NEXN: variants seen among roughly 807,000 people sequenced by gnomAD.
NEXN encodes nexilin.
NEXN carries 65 observed loss-of-function variants against 92.6 expected under a neutral mutation model. That is an observed-to-expected ratio of 0.70 (90% CI 0.57 to 0.86). The LOEUF (loss-of-function observed/expected upper bound fraction) is 0.86. Ranked by LOEUF, NEXN falls within the 40% of genes least tolerant of loss-of-function variation. The pLI, the probability that NEXN is intolerant of heterozygous loss-of-function variation, is 0.00. For synonymous variants in NEXN, 254 were observed against 242.5 expected (o/e 1.05, Z -0.44); for missense variants, 778 against 771.1 (o/e 1.01, Z -0.11).
intron 1 of NEXN, among the ~76,000 whole-genome samples, chr1:77,914,095 T>G (rs916572209): frequency 6.6e-6 from 1 of 152,064 alleles, no homozygotes; most frequent in Non-Finnish European, 1.5e-5. Flanking sequence ...AAAGCATAAG[T>G]AAGTGGAGTA....
chr1:77,902,103 G>C (rs867569753), intron 1 of NEXN, among the ~76,000 whole-genome samples: 1 of 151,944 alleles, frequency 6.6e-6, no homozygotes, highest in African/African-American at 2.4e-5. Flanking sequence ...ATAGAAAAAT[G>C]TTCAATAAAT....
intron 9 of NEXN, chr1:77,931,919 C>T (rs984352618): frequency 6.6e-6 from 1 of 152,086 alleles, no homozygotes; most frequent in African/African-American, 2.4e-5. Context: ...TGTTATACCG[C>T]GCCCGGCCTA....
chr1:77,925,325 A>G, intron 6 of NEXN, 96 bp downstream of exon 6: 1 of 861,030 alleles, frequency 1.2e-6, no homozygotes, highest in South Asian at 1.6e-5. Context: ...AGCTTTTATT[A>G]TTTTTATTAT....
chr1:77,910,405 A>T (rs1648465216), intron 1 of NEXN, among the ~76,000 whole-genome samples: 1 of 152,230 alleles, frequency 6.6e-6, no homozygotes, highest in Non-Finnish European at 1.5e-5. Flanking sequence ...CGATGATGTG[A>T]TCATCTATGT....
chr1:77,929,790 A>G (rs1354609308), intron 9 of NEXN, among the ~76,000 whole-genome samples: 1 of 152,244 alleles, frequency 6.6e-6, no homozygotes, highest in African/African-American at 2.4e-5. Context: ...TAAGTATCCA[A>G]GGAAGAAGAA....
At chr1:77,901,707 T>C (rs1468680357) in intron 1 of NEXN, among the ~76,000 whole-genome samples, 1 of 152,180 alleles carries the variant, frequency 6.6e-6, no homozygotes, top group East Asian at 1.9e-4. Flanking sequence ...CCCCAAAAGT[T>C]TGAGACCCAC....
intron 9 of NEXN, among the ~76,000 whole-genome samples, chr1:77,932,382 T>A (rs562530597): frequency 6.6e-6 from 1 of 152,352 alleles, no homozygotes; most frequent in South Asian, 2.1e-4. Flanking sequence ...TTAAATAAAT[T>A]AATACATTTT....
intron 11 of NEXN, 25 bp from the exon 12 acceptor site, chr1:77,941,998 T>C (rs1426074824): frequency 5.0e-6 from 8 of 1,607,192 alleles, no homozygotes; most frequent in African/African-American, 2.7e-5. Context: ...CAAGCAATTG[T>C]TAATCTTGGC....
At chr1:77,922,729 G>C (rs1418138677) in intron 5 of NEXN, among the ~76,000 whole-genome samples, 1 of 151,524 alleles carries the variant, frequency 6.6e-6, no homozygotes, top group Non-Finnish European at 1.5e-5. Flanking sequence ...TCCCGTAGCT[G>C]GGATTACAGG....
chr1:77,912,468 G>C (rs1369191120), intron 1 of NEXN, among the ~76,000 whole-genome samples: 1 of 152,114 alleles, frequency 6.6e-6, no homozygotes, highest in Non-Finnish European at 1.5e-5. Context: ...TATATGAAAA[G>C]GGAAAAGACT....
At chr1:77,905,491 G>A (rs1473579992) in intron 1 of NEXN, among the ~76,000 whole-genome samples, 1 of 151,760 alleles carries the variant, frequency 6.6e-6, no homozygotes, top group East Asian at 2.0e-4. Flanking sequence ...AGAAGTTAAA[G>A]ACTAGCCTGG....
At chr1:77,926,669 C>A (rs1208561971) in intron 7 of NEXN, 47 bp from the exon 8 acceptor site, 1 of 1,613,786 alleles carries the variant, frequency 6.2e-7, no homozygotes, top group African/African-American at 1.3e-5. Flanking sequence ...AAGTTAGCAG[C>A]ATTTTCCTTT....
chr1:77,906,404 C>T (rs141628581), intron 1 of NEXN, among the ~76,000 whole-genome samples: 1 of 152,102 alleles, frequency 6.6e-6, no homozygotes, highest in East Asian at 1.9e-4. Context: ...CTTCTTCCAC[C>T]GTCAATGTTT....
intron 1 of NEXN, among the ~76,000 whole-genome samples, chr1:77,910,762 A>AAAAAAAAAAAC (rs1557968907): frequency 7.4e-6 from 1 of 135,358 alleles, no homozygotes. Flanking sequence ...AAAAAAAAAA[A>AAAAAAAAAAAC]AAAAAAAAAC....
At chr1:77,938,094 T>C (rs902689928) in intron 11 of NEXN, among the ~76,000 whole-genome samples, 1 of 152,020 alleles carries the variant, frequency 6.6e-6, no homozygotes, top group East Asian at 1.9e-4. Flanking sequence ...GAAACCAGAC[T>C]AGAGTTTGGA....
intron 1 of NEXN, among the ~76,000 whole-genome samples, chr1:77,902,119 T>A (rs143754262): frequency 8.6e-4 from 131 of 152,324 alleles, no homozygotes; most frequent in Admixed American, 5.6e-3. Context: ...TAAATGTTTC[T>A]TGAAAAAACA....
chr1:77,911,822 C>A (rs1042347431), intron 1 of NEXN, among the ~76,000 whole-genome samples: 6 of 151,526 alleles, frequency 4.0e-5, no homozygotes, highest in African/African-American at 1.5e-4. Context: ...GTGGCTCATG[C>A]TTGTAATCCC....
chr1:77,928,111 C>T (rs1650007757), intron 8 of NEXN, among the ~76,000 whole-genome samples: 1 of 151,922 alleles, frequency 6.6e-6, no homozygotes, highest in Non-Finnish European at 1.5e-5. Context: ...GAGTTTGAGA[C>T]CAGCCTGAGC....
At chr1:77,933,584 T>TTGTC (rs1465838203) in intron 10 of NEXN, 105 bp downstream of exon 10, 2 of 907,748 alleles carry the variant, frequency 2.2e-6, no homozygotes, top group Non-Finnish European at 3.5e-6. Context: ...TTAGGATAGT[T>TTGTC]GACATAGTAT....
Sources: allele counts gnomAD v4.1 joint callset (sites outside exome capture counted in the v4.1 genomes callset), GRCh38; gene constraint gnomAD v4.1.1; transcripts MANE v1.5; gene names NCBI Gene and HGNC (gene_info 2026-07-23, HGNC 2026-07-21).